DENND5A: variants seen among roughly 807,000 people sequenced by gnomAD.
The protein encoded by DENND5A is DENN domain-containing protein 5A.
In DENND5A, 64 loss-of-function variants were observed where a neutral mutation model predicts 140.3. The ratio of observed to expected loss-of-function variants is 0.46; its 90% CI spans 0.37 to 0.56. DENND5A has a LOEUF of 0.56. Among genes scored for constraint, DENND5A ranks in the 20% least tolerant of loss-of-function variants. The pLI, the probability that DENND5A is intolerant of heterozygous loss-of-function variation, is 0.00. For missense variants in DENND5A, 1,292 were observed against 1,593.8 expected, an observed-to-expected ratio of 0.81 and a Z score of 3.22; for synonymous variants, 605 against 607.7, an observed-to-expected ratio of 1.00 and a Z score of 0.07.
chr11:9,142,609 G>C, intron 21 of DENND5A, 113 bp downstream of exon 21: 1 of 1,335,728 alleles, frequency 7.5e-7, no homozygotes, highest in Non-Finnish European at 1.0e-6. Context: ...TGAGATCTGA[G>C]AGTCACCTAA....
Position 9,206,633 on chromosome 11 carries a change from T to C in DENND5A, c.291+40A>G, listed in dbSNP as rs746640034. 22 of 1,372,130 alleles carry C rather than the reference T, an allele frequency of 1.6e-5. No homozygotes were observed. The Admixed American group carries it at 3.5e-4, about 22-fold the overall frequency. 85.0% of individuals were successfully genotyped at this position (1,372,130 alleles called of 1,614,324 possible). ...AACTCACAATCCTATTATAAATTAC[T>C]CTGTAAATTATCTCATACTTGTGGC... On this transcript the variant is annotated intron_variant, in intron 3 of 22. Transcript: ENST00000328194.
intron 1 of DENND5A, among the ~76,000 whole-genome samples, chr11:9,249,010 G>A (rs1851598240): frequency 6.6e-6 from 1 of 152,074 alleles, no homozygotes; most frequent in South Asian, 2.1e-4. Flanking sequence ...GGCGGATCAC[G>A]AGGTCAGGAG....
chr11:9,248,965 C>A (rs1178518886), intron 1 of DENND5A, among the ~76,000 whole-genome samples: 1 of 152,082 alleles, frequency 6.6e-6, no homozygotes, highest in Non-Finnish European at 1.5e-5. Context: ...TGGCTGGGCG[C>A]GGTGGCTCAC....
At chr11:9,249,145 G>A (rs1014060686) in intron 1 of DENND5A, among the ~76,000 whole-genome samples, 4 of 151,720 alleles carry the variant, frequency 2.6e-5, no homozygotes, top group South Asian at 4.2e-4. Flanking sequence ...GGAGAATGGC[G>A]TGAACCCGGG....
intron 1 of DENND5A, among the ~76,000 whole-genome samples, chr11:9,233,981 C>A (rs549244113): frequency 3.9e-5 from 6 of 152,142 alleles, no homozygotes; most frequent in African/African-American, 1.2e-4. Context: ...AGTTCGAGAC[C>A]AGCCTGGCCA....
chr11:9,255,339 C>A (rs1458255592), intron 1 of DENND5A, among the ~76,000 whole-genome samples: 1 of 152,128 alleles, frequency 6.6e-6, no homozygotes, highest in Non-Finnish European at 1.5e-5. Context: ...GCCTGTAATC[C>A]CAGCACTTTG....
intron 12 of DENND5A, among the ~76,000 whole-genome samples, chr11:9,156,488 G>T (rs576645078): frequency 3.3e-4 from 50 of 152,096 alleles, no homozygotes; most frequent in African/African-American, 1.2e-3. Context: ...TTAGCCGGAC[G>T]TGGTGGCCTG....
rs372404008 is a variant in DENND5A, at chr11:9,143,383, T to C, written c.3387+20A>G. On this transcript the variant is annotated intron_variant, in intron 20 of 22. Coordinates refer to ENST00000328194, the MANE Select transcript of DENND5A (RefSeq NM_015213.4). ...TCTTATTCAATGTAAGGCCCTGGATTGGAGGGCAGGAAGGCTCACCTCTTT... is the reference window on the plus strand; with the variant it reads ...TCTTATTCAATGTAAGGCCCTGGATCGGAGGGCAGGAAGGCTCACCTCTTT... 1 of 1,605,440 alleles carries C rather than the reference T, an allele frequency of 6.2e-7. No homozygotes were observed. The highest frequency in any genetic ancestry group is 8.5e-7 in the Non-Finnish European group (1 of 1,172,042).
At chr11:9,173,377 T>C (rs888838841) in intron 8 of DENND5A, among the ~76,000 whole-genome samples, 1 of 152,236 alleles carries the variant, frequency 6.6e-6, no homozygotes, top group Admixed American at 6.5e-5. Context: ...TTTGTACTTA[T>C]TATTCAAATC....
At chr11:9,164,402 T>C (rs1052294384) in intron 11 of DENND5A, among the ~76,000 whole-genome samples, 7 of 151,818 alleles carry the variant, frequency 4.6e-5, no homozygotes, top group African/African-American at 1.7e-4. Flanking sequence ...CAGCATATTT[T>C]ATTCCCTCCT....
Position 9,180,885 on chromosome 11 carries a change from T to A in DENND5A, c.1337A>T (p.Asp446Val). 3 of 1,614,204 alleles carry A rather than the reference T, an allele frequency of 1.9e-6. No individual in the cohort carries two copies. The highest frequency in any genetic ancestry group is 2.5e-6 in the Non-Finnish European group (3 of 1,180,028). The change falls in exon 6 of 23, where the codon GAC becomes GTC. Residue 446 changes from aspartate (D) to valine (V), a missense_variant. Around this residue, in one of 4 missense-constraint regions of DENND5A, gnomAD observed 566 missense variants for 650.4 expected, o/e 0.87. Coordinates refer to ENST00000328194, the MANE Select transcript of DENND5A (RefSeq NM_015213.4). Reference sequence around the variant, plus strand: ...GCCAGCAATGTTCCCATTCCTCTTGTCCGAGACAAGCTCAGAGGCCCGCAG... The same window carrying A: ...GCCAGCAATGTTCCCATTCCTCTTGACCGAGACAAGCTCAGAGGCCCGCAG... ...KRLRASELVS[D>V]KRNGNIAGSP...
intron 22 of DENND5A, among the ~76,000 whole-genome samples, 153 bp downstream of exon 22, chr11:9,141,787 A>T (rs1847249843): frequency 6.6e-6 from 1 of 152,310 alleles, no homozygotes; most frequent in East Asian, 1.9e-4. Flanking sequence ...TACACGATAC[A>T]CAGAGGAAAT....
chr11:9,260,051 G>C (rs988521279), intron 1 of DENND5A, among the ~76,000 whole-genome samples: 1 of 138,736 alleles, frequency 7.2e-6, no homozygotes, highest in East Asian at 2.1e-4. Context: ...AAAAAAAAAA[G>C]AGAGAGACTA....
At chr11:9,143,846 G>T (rs893918396) in intron 19 of DENND5A, among the ~76,000 whole-genome samples, 4 of 152,234 alleles carry the variant, frequency 2.6e-5, no homozygotes, top group African/African-American at 7.2e-5. Context: ...GATCATGCAT[G>T]AATATATACA....
intron 11 of DENND5A, among the ~76,000 whole-genome samples, chr11:9,162,428 G>A (rs1173609770): frequency 6.6e-6 from 1 of 151,234 alleles, no homozygotes; most frequent in Non-Finnish European, 1.5e-5. Flanking sequence ...TAGTAGAGAT[G>A]GGGTTTCTCC....
At chr11:9,209,010 A>G (rs1288220019) in intron 1 of DENND5A, among the ~76,000 whole-genome samples, 1 of 152,240 alleles carries the variant, frequency 6.6e-6, no homozygotes, top group Non-Finnish European at 1.5e-5. Context: ...ACAGTCTGAA[A>G]TTCTTGGGAT....
intron 1 of DENND5A, among the ~76,000 whole-genome samples, chr11:9,227,710 C>G (rs974461163): frequency 6.6e-6 from 1 of 151,904 alleles, no homozygotes; most frequent in Non-Finnish European, 1.5e-5. Context: ...TGTAATCTAA[C>G]ACTATGGGAG....
At position 9,150,778 on chromosome 11, in the gene DENND5A, G is replaced by C; in HGVS notation, c.2522-14C>G. 1 of 1,586,718 alleles carries C rather than the reference G, an allele frequency of 6.3e-7. No homozygotes were observed. The highest frequency in any genetic ancestry group is 8.6e-7 in the Non-Finnish European group (1 of 1,156,138). The stretch of plus-strand genomic sequence containing the variant: ...CAAGAAGTATTCCTAGAATAAACAA[G>C]TTGGTCATGTCCAAAGAGATCTGAA... On this transcript the variant is annotated splice_polypyrimidine_tract_variant and intron_variant, in intron 13 of 22. Coordinates refer to ENST00000328194, the MANE Select transcript of DENND5A (RefSeq NM_015213.4).
At chr11:9,230,174 G>T (rs1850707915) in intron 1 of DENND5A, among the ~76,000 whole-genome samples, 1 of 147,798 alleles carries the variant, frequency 6.8e-6, no homozygotes, top group Admixed American at 6.9e-5. Flanking sequence ...CTCCCAAAGT[G>T]CTGGGATTAC....
Sources: gnomAD v4.1 joint callset for allele counts (sites outside exome capture counted in the v4.1 genomes callset) on GRCh38, gnomAD v4.1.1 for gene constraint, gnomAD v4.1.1 regional missense constraint, MANE v1.5 for transcripts, NCBI Gene and HGNC (gene_info 2026-07-23, HGNC 2026-07-21) for gene names.